The following ADCY2 variants were observed in gnomAD, a reference collection of about 807,000 sequenced individuals.
ADCY2 encodes adenylate cyclase type 2.
A neutral mutation model predicts 125.2 loss-of-function variants in ADCY2; 31 were observed. The observed-to-expected ratio is 0.25, with a 90% CI of 0.19 to 0.33. ADCY2 has a LOEUF of 0.33. ADCY2 is among the 10% of genes least tolerant of loss of function. The pLI is 1.00. For missense variants in ADCY2, 904 were observed against 1,418.2 expected (o/e 0.64, Z 5.82); for synonymous variants, 512 against 548.4 (o/e 0.93, Z 0.93).
At chr5:7,584,556 G>T (rs1375261533) in intron 3 of ADCY2, among the ~76,000 whole-genome samples, 1 of 152,102 alleles carries the variant, frequency 6.6e-6, no homozygotes, top group Non-Finnish European at 1.5e-5. Context: ...TGGAGATTGT[G>T]TGCACCCAGC....
intron 2 of ADCY2, among the ~76,000 whole-genome samples, chr5:7,415,935 G>A (rs908396742): frequency 6.6e-6 from 1 of 152,052 alleles, no homozygotes; most frequent in East Asian, 1.9e-4. Context: ...GAGGGCTGTC[G>A]CAGGGTTGAT....
intron 4 of ADCY2, among the ~76,000 whole-genome samples, chr5:7,643,247 T>C (rs1229949343): frequency 1.3e-5 from 2 of 152,100 alleles, no homozygotes; most frequent in Non-Finnish European, 2.9e-5. Context: ...TAGGTTAGCA[T>C]GCTGTAGCAA....
chr5:7,615,563 A>C (rs1737726570), intron 3 of ADCY2, among the ~76,000 whole-genome samples: 1 of 152,182 alleles, frequency 6.6e-6, no homozygotes, highest in African/African-American at 2.4e-5. Context: ...TCATAGTTTT[A>C]ATAACTATTT....
chr5:7,762,275 G>A (rs1477714941), intron 16 of ADCY2, among the ~76,000 whole-genome samples: 2 of 152,226 alleles, frequency 1.3e-5, no homozygotes, highest in East Asian at 3.9e-4. Context: ...TTGGTGTTAG[G>A]TACAGAAAGG....
chr5:7,413,489 T>G (rs902738133), intron 1 of ADCY2, among the ~76,000 whole-genome samples: 3 of 151,706 alleles, frequency 2.0e-5, no homozygotes, highest in African/African-American at 4.8e-5. Context: ...TAGTAGAGAC[T>G]GGGTTTCACC....
At chr5:7,588,873 A>C (rs947560029) in intron 3 of ADCY2, among the ~76,000 whole-genome samples, 7 of 152,248 alleles carry the variant, frequency 4.6e-5, no homozygotes, top group African/African-American at 1.7e-4. Flanking sequence ...CAAAGAGCAA[A>C]GAAACAAATA....
chr5:7,543,828 A>G (rs1016580591), intron 3 of ADCY2, among the ~76,000 whole-genome samples: 2 of 151,870 alleles, frequency 1.3e-5, no homozygotes, highest in Non-Finnish European at 2.9e-5. Context: ...CCTGGCTAAC[A>G]TGGTGAAACC....
intron 4 of ADCY2, among the ~76,000 whole-genome samples, chr5:7,677,288 AAAAC>A (rs1049696227): frequency 1.3e-5 from 2 of 152,128 alleles, no homozygotes; most frequent in African/African-American, 2.4e-5. Context: ...AGAAAAAACA[AAAAC>A]AAACAAACAA....
intron 4 of ADCY2, among the ~76,000 whole-genome samples, chr5:7,658,423 GTGTGTGTGTA>G (rs1739414236): frequency 1.4e-5 from 2 of 143,192 alleles, no homozygotes; most frequent in South Asian, 4.4e-4. Flanking sequence ...GTGTGTGTGT[GTGTGTGTGTA>G]TATATATATA....
chr5:7,518,846 T>A (rs1215241714), intron 2 of ADCY2, among the ~76,000 whole-genome samples: 2 of 152,168 alleles, frequency 1.3e-5, no homozygotes. Flanking sequence ...GACTGTGAGA[T>A]GACAGCTGCA....
At chr5:7,758,924 GT>G (rs1743102607) in intron 16 of ADCY2, among the ~76,000 whole-genome samples, 2 of 152,186 alleles carry the variant, frequency 1.3e-5, no homozygotes, top group Admixed American at 1.3e-4. Context: ...GACCTTGAAT[GT>G]TTACATGGGG....
chr5:7,577,137 G>A (rs559771663), intron 3 of ADCY2, among the ~76,000 whole-genome samples: 6 of 152,108 alleles, frequency 3.9e-5, no homozygotes, highest in East Asian at 1.9e-4. Flanking sequence ...TTGGATATTC[G>A]AAACATTAGT....
intron 2 of ADCY2, among the ~76,000 whole-genome samples, chr5:7,519,048 A>T (rs981941932): frequency 6.6e-6 from 1 of 152,148 alleles, no homozygotes; most frequent in Admixed American, 6.5e-5. Context: ...TGGAGTGCCA[A>T]ATCGAAGAGT....
At chr5:7,411,933 G>A (rs1261910455) in intron 1 of ADCY2, among the ~76,000 whole-genome samples, 2 of 152,132 alleles carry the variant, frequency 1.3e-5, no homozygotes, top group African/African-American at 2.4e-5. Context: ...AAATTGGCCG[G>A]GCGTAGTGGC....
chr5:7,409,031 A>G (rs1249780730), intron 1 of ADCY2, among the ~76,000 whole-genome samples: 1 of 152,248 alleles, frequency 6.6e-6, no homozygotes, highest in Non-Finnish European at 1.5e-5. Context: ...CATATACACC[A>G]TGGAATACTA....
At position 7,574,338 on chromosome 5, in the gene ADCY2, T is replaced by G. The variant is rs1168147052; in HGVS notation, c.571-51829T>G. On this transcript the variant is annotated intron_variant, in intron 3 of 24. Transcript: ENST00000338316. ...CTAGATCCTTGAGGAATCGCCACACTGACTTCCACAATGGTTGAACTAGTT... is the reference window on the plus strand; with the variant it reads ...CTAGATCCTTGAGGAATCGCCACACGGACTTCCACAATGGTTGAACTAGTT... 2.6e-5 allele frequency among the ~76,000 whole-genome samples: 4 copies of G among 152,064 alleles called. No homozygotes were observed. The East Asian group carries it at 7.8e-4, about 30-fold the overall frequency.
intron 18 of ADCY2, among the ~76,000 whole-genome samples, chr5:7,783,925 T>C (rs924008058): frequency 3.9e-5 from 6 of 152,210 alleles, no homozygotes; most frequent in African/African-American, 1.4e-4. Flanking sequence ...TTGAAAGTTA[T>C]ATGAAACTGT....
chr5:7,413,448 C>T (rs1739805895), intron 1 of ADCY2, among the ~76,000 whole-genome samples: 1 of 150,844 alleles, frequency 6.6e-6, no homozygotes, highest in Non-Finnish European at 1.5e-5. Flanking sequence ...CGCCTGCCAC[C>T]ACGCGCGGCT....
At chr5:7,735,615 C>G (rs1298998242) in intron 14 of ADCY2, among the ~76,000 whole-genome samples, 1 of 152,168 alleles carries the variant, frequency 6.6e-6, no homozygotes, top group Non-Finnish European at 1.5e-5. Context: ...TTAATGTGAC[C>G]TATTAATAGG....
Sources: gnomAD v4.1 joint callset for allele counts (sites outside exome capture counted in the v4.1 genomes callset) on GRCh38, gnomAD v4.1.1 for gene constraint, MANE v1.5 for transcripts, NCBI Gene and HGNC (gene_info 2026-07-23, HGNC 2026-07-21) for gene names.